SNED1: variants seen among roughly 807,000 people sequenced by gnomAD.
SNED1 encodes the protein sushi, nidogen and EGF like domains 1.
A neutral mutation model predicts 166.7 loss-of-function variants in SNED1; 81 were observed. The ratio of observed to expected loss-of-function variants is 0.49; its 90% CI spans 0.41 to 0.58. SNED1 has a LOEUF of 0.58. Among genes scored for constraint, SNED1 ranks in the 20% least tolerant of loss-of-function variants. The pLI is 0.00. For missense variants in SNED1, 1,604 were observed against 2,000.2 expected, an observed-to-expected ratio of 0.80 and a Z score of 3.78; for synonymous variants, 762 against 822.0, an observed-to-expected ratio of 0.93 and a Z score of 1.25.
chr2:241,073,816 A>C lies in SNED1; in HGVS notation c.3916+452A>C, dbSNP rs952304785. On this transcript the variant is annotated intron_variant, in intron 27 of 31. Transcript: ENST00000310397. This position sits in a 1 kb window ranked among gnomAD's most constrained non-coding sequence, Gnocchi z 6.6. ...GACTAGCTGGGCCCTGTGGACACTC[A>C]GGTTATGCAGGACCTGAACTGTCTC... 3.6e-5 allele frequency: 9 copies of C among 250,698 alleles called. No homozygotes were observed. Among genetic ancestry groups the C allele is most frequent in the Non-Finnish European group, 6.1e-5 (8 of 130,600 alleles). 15.5% of individuals were successfully genotyped at this position (250,698 alleles called of 1,614,324 possible).
chr2:241,088,655 C>A, intron 31 of SNED1: 1 of 512,118 alleles, frequency 2.0e-6, no homozygotes, highest in South Asian at 3.0e-5. Flanking sequence ...GTGGATAGGG[C>A]AAATCCCACT....
In SNED1 at chr2:241,064,717, C is replaced by T; in HGVS notation, c.2600-127C>T. The T allele has an allele frequency of 1.6e-6, 1 of 636,000 alleles. No homozygotes were observed. Among genetic ancestry groups the T allele is most frequent in the Non-Finnish European group, 2.7e-6 (1 of 376,328 alleles). The allele number at this position is 636,000 out of a possible 1,614,324, so 39.4% of individuals were successfully genotyped here. The stretch of plus-strand genomic sequence containing the variant: ...TGGCAGAACCGAAGGGAGGCAGTAG[C>T]TGTCCTGTGCCCCCCGCCCCTCCAC... On this transcript the variant is annotated intron_variant, in intron 19 of 31. Coordinates refer to ENST00000310397, the MANE Select transcript of SNED1 (RefSeq NM_001080437.3). The surrounding 1 kb of genome is among the most constrained non-coding windows in gnomAD (Gnocchi z 7.0).
At chr2:241,017,689 TG>T in intron 1 of SNED1, among the ~76,000 whole-genome samples, 1 of 152,346 alleles carries the variant, frequency 6.6e-6, no homozygotes, top group South Asian at 2.1e-4. Flanking sequence ...CAAATCCTTC[TG>T]ATCTCCTCCC....
intron 8 of SNED1, among the ~76,000 whole-genome samples, chr2:241,042,266 T>A (rs1359492743): frequency 2.6e-5 from 4 of 152,170 alleles, no homozygotes; most frequent in Non-Finnish European, 5.9e-5. Flanking sequence ...AAACACTTCC[T>A]GGAGCTCAAA....
At chr2:241,026,409 T>C (rs962089261) in intron 1 of SNED1, among the ~76,000 whole-genome samples, 2 of 152,236 alleles carry the variant, frequency 1.3e-5, no homozygotes, top group African/African-American at 4.8e-5. Context: ...CCATTGTCTT[T>C]GTGTCTCCTT....
chr2:241,009,555 G>C (rs866610186), intron 1 of SNED1, among the ~76,000 whole-genome samples: 12 of 152,146 alleles, frequency 7.9e-5, no homozygotes, highest in African/African-American at 2.9e-4. Flanking sequence ...GAAAGGGCAC[G>C]GGGGCTGGGG....
In SNED1 at chr2:241,068,772, CG is replaced by C. The variant is rs1347170443; in HGVS notation, c.3195-138del. 1.6e-6 allele frequency: 1 copy of C among 629,594 alleles called. No homozygotes were observed. Among genetic ancestry groups the C allele is most frequent in the Non-Finnish European group, 2.8e-6 (1 of 353,282 alleles). 39.0% of individuals were successfully genotyped at this position (629,594 alleles called of 1,614,324 possible). On this transcript the variant is annotated intron_variant, in intron 22 of 31. Coordinates refer to ENST00000310397, the MANE Select transcript of SNED1 (RefSeq NM_001080437.3). The surrounding 1 kb of genome is among the most constrained non-coding windows in gnomAD (Gnocchi z 5.3). ...CTCTGAGGGCCATGAGTCTGCCCCT[CG>C]TGGAGGTTGCCTGGGCCACCAGCAG...
At chr2:241,002,584 C>T (rs974041710) in intron 1 of SNED1, among the ~76,000 whole-genome samples, 1 of 152,110 alleles carries the variant, frequency 6.6e-6, no homozygotes, top group African/African-American at 2.4e-5. Context: ...GAGGAGGATG[C>T]TGGAGTGAGA....
At position 241,071,701 on chromosome 2, in the gene SNED1, A is replaced by ACCCCCCCCCCCCCCCCCC; in HGVS notation, c.3720_3721insCCCCCCCCCCCCCCCCCC (p.Pro1240_Thr1241insProProProProProPro). ...GCTCAATGACCACAGCGCCCCCGAG[A>ACCCCCCCCCCCCCCCCCC]CCCCCACCCAGCCCCCCAGGTACAT... On this transcript the variant is annotated inframe_insertion, in exon 25 of 32. Transcript: ENST00000310397. The ACCCCCCCCCCCCCCCCCC allele has an allele frequency of 7.8e-7, 1 of 1,281,800 alleles. No homozygotes were observed. Among genetic ancestry groups the ACCCCCCCCCCCCCCCCCC allele is most frequent in the East Asian group, 2.7e-5 (1 of 37,350 alleles). The allele number at this position is 1,281,800 out of a possible 1,614,324, so 79.4% of individuals were successfully genotyped here.
At chr2:241,081,276 C>T (rs2063314715) in intron 27 of SNED1, among the ~76,000 whole-genome samples, 1 of 151,856 alleles carries the variant, frequency 6.6e-6, no homozygotes. Context: ...GGAGGGACCT[C>T]AGGATCCAAG....
chr2:241,052,838 G>A (rs904815324), intron 15 of SNED1, among the ~76,000 whole-genome samples: 1 of 147,914 alleles, frequency 6.8e-6, no homozygotes, highest in Non-Finnish European at 1.5e-5. Context: ...GCCGGTGTCA[G>A]GCAGGTGAGA....
At chr2:241,005,418 G>A (rs897482187) in intron 1 of SNED1, among the ~76,000 whole-genome samples, 15 of 151,724 alleles carry the variant, frequency 9.9e-5, no homozygotes, top group Non-Finnish European at 2.1e-4. Flanking sequence ...TGGTTAGGCT[G>A]ATCTGGAATT....
rs765551233 is a variant in SNED1 at position 241,049,133 on chromosome 2, A to C, written c.1616A>C (p.His539Pro). The C allele has an allele frequency of 1.9e-6, 3 of 1,610,782 alleles. No homozygotes were observed. The highest frequency in any genetic ancestry group is 2.5e-6 in the Non-Finnish European group (3 of 1,178,370). ...CVCHTDHNAS[H>P]SLPSPCDSDP... ...TGCCACACCGACCACAATGCCAGCC[A>C]CTGTGAGTAGCTCGGGGACGAGCCT... Residue 539 changes from histidine (H) to proline (P), a missense_variant and splice_region_variant, in exon 11 of 32, where the codon CAC becomes CCC. By Grantham distance (77) the His-to-Pro change is moderately conservative (BLOSUM62 -2). This residue lies in a region of SNED1 where 1,237 missense variants were observed against 1,620.8 expected (regional missense o/e 0.76). Transcript: ENST00000310397.
At chr2:241,010,263 G>C (rs1003240562) in intron 1 of SNED1, 1 of 152,290 alleles carries the variant, frequency 6.6e-6, no homozygotes, top group Non-Finnish European at 1.5e-5. Context: ...CTTGGCTCAG[G>C]TCCGGGGGAG....
chr2:241,065,060 C>G, intron 20 of SNED1, 103 bp downstream of exon 20: 1 of 954,154 alleles, frequency 1.0e-6, no homozygotes, highest in Non-Finnish European at 1.5e-6. Context: ...GCTGCTTGCC[C>G]AGGCCCCTTC....
In SNED1 at chr2:241,064,971, G is replaced by T; in HGVS notation, c.2713+14G>T. ...ACTGCGCCAAAGGTGGGTGGCGAGG[G>T]CGCCTCCAGTGAGGGAGCCACGAGG... On this transcript the variant is annotated intron_variant, in intron 20 of 31. Transcript: ENST00000310397. This position sits in a 1 kb window ranked among gnomAD's most constrained non-coding sequence, Gnocchi z 7.0. 1 of 1,555,174 alleles carries T rather than the reference G, an allele frequency of 6.4e-7. No homozygotes were observed. The highest frequency in any genetic ancestry group is 8.7e-7 in the Non-Finnish European group (1 of 1,153,456).
rs1553574679 is a variant in SNED1 at position 241,057,412 on chromosome 2, T to TGC, written c.2257+4087_2257+4088dup. Among the ~76,000 whole-genome samples the TGC allele has an allele frequency of 9.1e-3, 1,174 of 129,366 alleles. 25 individuals carry two copies. Among genetic ancestry groups the TGC allele is most frequent in the African/African-American group, 0.033 (1,108 of 33,852 alleles). The allele number at this position is 129,366 out of a possible 152,430, so 84.9% of individuals were successfully genotyped here. Reference sequence around the variant, plus strand: ...ATATATATATATATATATATATATATGCCATACGCAGTGGCTCACACATAT... The same window carrying TGC: ...ATATATATATATATATATATATATATGCGCCATACGCAGTGGCTCACACATAT... On this transcript the variant is annotated intron_variant, in intron 16 of 31. Coordinates refer to ENST00000310397, the MANE Select transcript of SNED1 (RefSeq NM_001080437.3).
rs754451585 is a variant in SNED1, at chr2:241,069,978, G to C, written c.3366G>C (p.Val1122=). The C allele has an allele frequency of 6.2e-7, 1 of 1,613,000 alleles. No individual in the cohort carries two copies. Among genetic ancestry groups the C allele is most frequent in the South Asian group, 1.1e-5 (1 of 91,092 alleles). Residue 1122 remains valine, a synonymous_variant, in exon 24 of 32, where the codon GTG becomes GTC. Coordinates refer to ENST00000310397, the MANE Select transcript of SNED1 (RefSeq NM_001080437.3). This position sits in a 1 kb window ranked among gnomAD's most constrained non-coding sequence, Gnocchi z 4.9. ...AARVTATSAH[V]VWDAPTPGSL... Reference sequence around the variant, plus strand: ...GAGTCACTGCCACCTCTGCCCACGTGGTCTGGGATGCCCCGACTCCAGGCA... The same window carrying C: ...GAGTCACTGCCACCTCTGCCCACGTCGTCTGGGATGCCCCGACTCCAGGCA...
intron 31 of SNED1, chr2:241,090,486 C>G: frequency 6.7e-7 from 1 of 1,502,448 alleles, no homozygotes; most frequent in East Asian, 2.5e-5. Flanking sequence ...AATACGTAAA[C>G]CAGTAACATC....
Sources: allele counts gnomAD v4.1 joint callset (sites outside exome capture counted in the v4.1 genomes callset), GRCh38; gene constraint gnomAD v4.1.1; regional missense constraint gnomAD v4.1.1; non-coding constraint Gnocchi (gnomAD v3.1); transcripts MANE v1.5; gene names NCBI Gene and HGNC (gene_info 2026-07-23, HGNC 2026-07-21).